Variants in EPHA3 observed in about 807,000 individuals in gnomAD.
EPHA3 encodes the protein ephrin type-A receptor 3.
Under a neutral mutation model 107.1 loss-of-function variants are expected in EPHA3, and 42 were observed. The observed-to-expected ratio is 0.39, with a 90% confidence interval of 0.31 to 0.51. The LOEUF (loss-of-function observed/expected upper bound fraction) is 0.51, where lower values mean the gene tolerates loss of function less well. EPHA3 is among the 20% of genes least tolerant of loss of function. The probability of loss-of-function intolerance (pLI) is 0.78; values close to 1 mark genes in which losing one functional copy is unlikely to be tolerated. For synonymous variants in EPHA3, 461 were observed against 424.8 expected, an observed-to-expected ratio of 1.09 and a Z score of -1.05; for missense variants, 1,183 against 1,211.2, an observed-to-expected ratio of 0.98 and a Z score of 0.35.
Position 89,479,607 on chromosome 3 carries a change from T to C in EPHA3, c.*105T>C. ...TGGAGATACTGGTGGAAGTTCCAAG[T>C]CCAATAAGACACTCAAATATGAGTA... On this transcript the variant is annotated 3_prime_UTR_variant, in exon 17 of 17. Coordinates refer to ENST00000336596, the MANE Select transcript of EPHA3 (RefSeq NM_005233.6). 1 of 835,104 alleles carries C rather than the reference T, an allele frequency of 1.2e-6. No homozygotes were observed. The allele number at this position is 835,104 out of a possible 1,614,324, so 51.7% of individuals were successfully genotyped here. A position where few individuals can be genotyped will look rare whatever the true frequency, so the allele number is the denominator to read the frequency against.
intron 5 of EPHA3, among the ~76,000 whole-genome samples, chr3:89,389,999 TAAA>T (rs1193012580): frequency 0.015 from 2,277 of 152,134 alleles, 57 homozygotes; most frequent in African/African-American, 0.052. Context: ...TAACTTTTTT[TAAA>T]TTTTTTTGAG....
chr3:89,433,682 A>C (rs1709613273), intron 13 of EPHA3, among the ~76,000 whole-genome samples: 1 of 152,324 alleles, frequency 6.6e-6, no homozygotes, highest in South Asian at 2.1e-4. Flanking sequence ...TTCTTAACAA[A>C]CACAATTCAA....
chr3:89,184,796 C>T (rs969554609), intron 2 of EPHA3, among the ~76,000 whole-genome samples: 2 of 151,814 alleles, frequency 1.3e-5, no homozygotes, highest in Admixed American at 6.6e-5. Context: ...GGGAGTCAGG[C>T]GGAAAGATAG....
intron 3 of EPHA3, among the ~76,000 whole-genome samples, chr3:89,257,760 G>C (rs1705319511): frequency 6.6e-6 from 1 of 150,618 alleles, no homozygotes; most frequent in African/African-American, 2.4e-5. Context: ...AATAAAAGGT[G>C]GTAGGAGTGA....
intron 2 of EPHA3, among the ~76,000 whole-genome samples, chr3:89,129,777 G>C (rs1704165071): frequency 6.6e-6 from 1 of 151,674 alleles, no homozygotes; most frequent in African/African-American, 2.4e-5. Context: ...TTTTGTGGTT[G>C]TATTGTTTTT....
chr3:89,107,865 T>C (rs2106932990), intron 1 of EPHA3, 29 bp downstream of exon 1: 1 of 1,604,270 alleles, frequency 6.2e-7, no homozygotes, highest in Non-Finnish European at 8.5e-7. Flanking sequence ...CGCACGGAGC[T>C]CTGCCCCGCG....
At chr3:89,309,483 T>C (rs1030723889) in intron 3 of EPHA3, among the ~76,000 whole-genome samples, 1 of 152,078 alleles carries the variant, frequency 6.6e-6, no homozygotes, top group African/African-American at 2.4e-5. Context: ...TTCTGAGTTT[T>C]AGCCTCTCAA....
chr3:89,177,093 CA>C (rs928284747), intron 2 of EPHA3, among the ~76,000 whole-genome samples: 14 of 151,808 alleles, frequency 9.2e-5, no homozygotes, highest in African/African-American at 3.4e-4. Flanking sequence ...TGTGTGTGTG[CA>C]CGTGTGTATG....
intron 5 of EPHA3, among the ~76,000 whole-genome samples, chr3:89,383,350 A>G (rs1424633313): frequency 6.6e-6 from 1 of 152,202 alleles, no homozygotes; most frequent in African/African-American, 2.4e-5. Context: ...TTTTCCTACC[A>G]TTATCTGTTA....
chr3:89,370,149 A>G (rs1401815036), intron 5 of EPHA3, among the ~76,000 whole-genome samples: 1 of 150,928 alleles, frequency 6.6e-6, no homozygotes, highest in Non-Finnish European at 1.5e-5. Flanking sequence ...CAGCCATTCC[A>G]TTACTGGGTA....
At chr3:89,358,868 G>A (rs1313360893) in intron 5 of EPHA3, among the ~76,000 whole-genome samples, 1 of 151,208 alleles carries the variant, frequency 6.6e-6, no homozygotes, top group East Asian at 1.9e-4. Flanking sequence ...ATAATTGCAT[G>A]TGTATTTTAA....
At chr3:89,135,802 T>C (rs750959512) in intron 2 of EPHA3, among the ~76,000 whole-genome samples, 4 of 151,618 alleles carry the variant, frequency 2.6e-5, no homozygotes, top group Non-Finnish European at 4.4e-5. Flanking sequence ...TATTGAAAAT[T>C]ATATTGATTG....
intron 9 of EPHA3, among the ~76,000 whole-genome samples, chr3:89,408,822 T>C (rs142688165): frequency 6.6e-6 from 1 of 152,226 alleles, no homozygotes; most frequent in African/African-American, 2.4e-5. Flanking sequence ...TTAAATAGCA[T>C]GTTCTCATGG....
At chr3:89,469,326 G>A (rs1319043817) in intron 15 of EPHA3, among the ~76,000 whole-genome samples, 6 of 152,110 alleles carry the variant, frequency 3.9e-5, no homozygotes, top group African/African-American at 1.4e-4. Context: ...AATAGAGTCA[G>A]AACCAATGTT....
intron 2 of EPHA3, among the ~76,000 whole-genome samples, chr3:89,170,122 G>A (rs1319594954): frequency 6.6e-6 from 1 of 151,916 alleles, no homozygotes; most frequent in Non-Finnish European, 1.5e-5. Flanking sequence ...GTGGTGGTGG[G>A]CGCCTGTGGT....
chr3:89,171,497 T>G (rs1436373800), intron 2 of EPHA3, among the ~76,000 whole-genome samples: 4 of 152,212 alleles, frequency 2.6e-5, no homozygotes, highest in Non-Finnish European at 5.9e-5. Context: ...AGGCTTATAT[T>G]GAGTGAATGT....
At chr3:89,331,492 G>C (rs1707287407) in intron 3 of EPHA3, among the ~76,000 whole-genome samples, 4 of 152,068 alleles carry the variant, frequency 2.6e-5, no homozygotes, top group Non-Finnish European at 4.4e-5. Context: ...TTCTAATTTA[G>C]GTCATCACAC....
At chr3:89,176,542 G>C (rs1476848245) in intron 2 of EPHA3, among the ~76,000 whole-genome samples, 1 of 145,528 alleles carries the variant, frequency 6.9e-6, no homozygotes, top group South Asian at 2.2e-4. Flanking sequence ...TTCACCTACT[G>C]TTTATTCTTA....
intron 7 of EPHA3, among the ~76,000 whole-genome samples, chr3:89,404,286 G>A (rs1709015277): frequency 6.6e-6 from 1 of 152,052 alleles, no homozygotes; most frequent in Non-Finnish European, 1.5e-5. Context: ...TTTTAACCAG[G>A]GAAATGATAT....
Sources: gnomAD v4.1 joint callset for allele counts (sites outside exome capture counted in the v4.1 genomes callset) on GRCh38, gnomAD v4.1.1 for gene constraint, MANE v1.5 for transcripts, NCBI Gene and HGNC (gene_info 2026-07-23, HGNC 2026-07-21) for gene names.